AZIN2: variants seen among roughly 807,000 people sequenced by gnomAD.
AZIN2 encodes antizyme inhibitor 2, also known as ODC antizyme inhibitor-2.
AZIN2 carries 28 observed loss-of-function variants against 47.8 expected under a neutral mutation model. The observed-to-expected ratio is 0.59, with a 90% confidence interval of 0.43 to 0.80. The LOEUF is 0.80. AZIN2 is among the 30% of genes least tolerant of loss of function. The pLI is 0.00. For synonymous variants in AZIN2, 221 were observed against 239.4 expected (o/e 0.92, Z 0.71); for missense variants, 535 against 582.5 (o/e 0.92, Z 0.84).
At chr1:33,111,665 T>TG (rs1389711571) in intron 10 of AZIN2, among the ~76,000 whole-genome samples, 1 of 151,682 alleles carries the variant, frequency 6.6e-6, no homozygotes, top group Non-Finnish European at 1.5e-5. Context: ...TGGAGTGCAG[T>TG]GGCTCGGCTC....
At chr1:33,089,365 AGGCAGGAGGACTGCT>A (rs1423675235) in intron 5 of AZIN2, among the ~76,000 whole-genome samples, 1 of 152,308 alleles carries the variant, frequency 6.6e-6, no homozygotes, top group Non-Finnish European at 1.5e-5. Context: ...TGGGAGGCCA[AGGCAGGAGGACTGCT>A]TGAGCCCAGG....
At chr1:33,165,692 G>A in the AZIN2 span, 520 of 722,334 alleles carry the variant, frequency 7.2e-4, 3 homozygotes, top group South Asian at 1.2e-3. The surrounding 1 kb of genome is among the most constrained non-coding windows in gnomAD (Gnocchi z 4.0). Flanking sequence ...CTTGCCTCCC[G>A]TCACAGTTCA....
chr1:33,148,302 A>G, the AZIN2 span, among the ~76,000 whole-genome samples: 2 of 152,342 alleles, frequency 1.3e-5, no homozygotes, highest in African/African-American at 4.8e-5. Flanking sequence ...AAGGATAAGA[A>G]ACTATAACCT....
chr1:33,093,326 G>T lies in AZIN2; in HGVS notation c.497G>T (p.Cys166Phe). The part of the protein sequence containing the change: ...IATDDSHSLS[C>F]LSLKFGVSLK... The stretch of plus-strand genomic sequence containing the variant: ...ACCGATGACTCCCACTCCCTGAGCT[G>T]CCTGAGCCTAAAGTTTGGAGTGTCA... The change falls in exon 7 of 12, where the codon TGC becomes TTC. Residue 166 changes from cysteine to phenylalanine, a missense_variant. This residue lies in a region of AZIN2 where 409 missense variants were observed against 429.0 expected (regional missense o/e 0.95). Coordinates refer to ENST00000294517, the MANE Select transcript of AZIN2 (RefSeq NM_052998.4). 6.2e-7 allele frequency: 1 copy of T among 1,614,094 alleles called. No homozygotes were observed. Among genetic ancestry groups the T allele is most frequent in the Non-Finnish European group, 8.5e-7 (1 of 1,179,980 alleles).
intron 10 of AZIN2, among the ~76,000 whole-genome samples, chr1:33,117,215 CT>C (rs1430913012): frequency 6.6e-6 from 1 of 152,146 alleles, no homozygotes; most frequent in Non-Finnish European, 1.5e-5. Context: ...CCAGGTCCCC[CT>C]GTGATTGTTG....
the AZIN2 span, among the ~76,000 whole-genome samples, chr1:33,144,434 G>A: frequency 4.6e-5 from 7 of 152,276 alleles, no homozygotes; most frequent in South Asian, 8.3e-4. Context: ...CACTGCGCCC[G>A]GTGGCTTTAA....
intron 8 of AZIN2, among the ~76,000 whole-genome samples, chr1:33,095,215 C>T (rs1421719936): frequency 6.6e-6 from 1 of 152,206 alleles, no homozygotes; most frequent in Non-Finnish European, 1.5e-5. Context: ...TGGAAGGCGC[C>T]TCCTTCGGGA....
In AZIN2 at chr1:33,118,013, T is replaced by C. The variant is rs1644637299; in HGVS notation, c.1141T>C (p.Trp381Arg). Reference sequence around the variant, plus strand: ...GCTGCCGCAACTACACGTAGGGGACTGGCTGGTCTTTGACAACATGGGCGC... The same window carrying C: ...GCTGCCGCAACTACACGTAGGGGACCGGCTGGTCTTTGACAACATGGGCGC... The part of the protein sequence containing the change: ...LWLPQLHVGD[W>R]LVFDNMGAYT... Residue 381 changes from tryptophan (W) to arginine (R), a missense_variant, in exon 11 of 12, where the codon TGG becomes CGG. Around this residue, in one of 3 missense-constraint regions of AZIN2, gnomAD observed 122 missense variants for 135.8 expected, o/e 0.90. Coordinates refer to ENST00000294517, the MANE Select transcript of AZIN2 (RefSeq NM_052998.4). 1 of 1,593,906 alleles carries C rather than the reference T, an allele frequency of 6.3e-7. No homozygotes were observed.
At chr1:33,155,843 C>T in the AZIN2 span, among the ~76,000 whole-genome samples, 2 of 152,220 alleles carry the variant, frequency 1.3e-5, no homozygotes, top group East Asian at 1.9e-4. Context: ...TGGGAAGGCA[C>T]TGATTTCCCA....
At chr1:33,106,534 T>C (rs932036295) in intron 10 of AZIN2, among the ~76,000 whole-genome samples, 22 of 152,070 alleles carry the variant, frequency 1.4e-4, no homozygotes, top group African/African-American at 4.8e-4. Flanking sequence ...CCAAATTAAA[T>C]AGCACATTAA....
chr1:33,110,629 C>T (rs1301127188), intron 10 of AZIN2, among the ~76,000 whole-genome samples: 3 of 151,696 alleles, frequency 2.0e-5, no homozygotes, highest in Non-Finnish European at 4.4e-5. Flanking sequence ...TTAGAGACAA[C>T]AGAAGAGAGA....
the AZIN2 span, among the ~76,000 whole-genome samples, chr1:33,144,373 G>A: frequency 6.6e-6 from 1 of 152,156 alleles, no homozygotes; most frequent in Non-Finnish European, 1.5e-5. Flanking sequence ...CCCAACCTCA[G>A]GTGATCCGCC....
chr1:33,103,292 C>A (rs1333304770), intron 10 of AZIN2, among the ~76,000 whole-genome samples: 2 of 152,170 alleles, frequency 1.3e-5, no homozygotes, highest in Non-Finnish European at 2.9e-5. Context: ...TTCCCAGGCA[C>A]CTCTGCCCTC....
chr1:33,099,223 C>T (rs1404461372), intron 10 of AZIN2, among the ~76,000 whole-genome samples: 1 of 152,122 alleles, frequency 6.6e-6, no homozygotes. Context: ...AAATCAACTC[C>T]ACTTTGTGGC....
At chr1:33,108,606 G>A (rs2124622809) in intron 10 of AZIN2, among the ~76,000 whole-genome samples, 1 of 152,310 alleles carries the variant, frequency 6.6e-6, no homozygotes, top group East Asian at 1.9e-4. Context: ...GCCTCCCAGA[G>A]TGCTGGGATT....
chr1:33,094,073 T>C (rs1002213642), intron 7 of AZIN2, among the ~76,000 whole-genome samples: 3 of 152,180 alleles, frequency 2.0e-5, no homozygotes, highest in African/African-American at 7.2e-5. Context: ...GGAGTAATAA[T>C]GAACTACCTA....
At chr1:33,105,060 T>G (rs1471859974) in intron 10 of AZIN2, among the ~76,000 whole-genome samples, 1 of 152,220 alleles carries the variant, frequency 6.6e-6, no homozygotes, top group African/African-American at 2.4e-5. Flanking sequence ...ATGTCATGAT[T>G]TAACCAGTTT....
At chr1:33,103,587 A>G (rs1043003442) in intron 10 of AZIN2, among the ~76,000 whole-genome samples, 2 of 152,038 alleles carry the variant, frequency 1.3e-5, no homozygotes, top group African/African-American at 4.8e-5. Flanking sequence ...AACCCATCGT[A>G]ATCTGTTAAT....
the AZIN2 span, chr1:33,146,117 G>C: frequency 3.0e-5 from 8 of 266,014 alleles, no homozygotes; most frequent in African/African-American, 1.6e-4. Context: ...TGAATCTGGC[G>C]CTGGGAGTTC....
Sources: gnomAD v4.1 joint callset for allele counts (sites outside exome capture counted in the v4.1 genomes callset) on GRCh38, gnomAD v4.1.1 for gene constraint, gnomAD v4.1.1 regional missense constraint, Gnocchi (gnomAD v3.1) non-coding constraint, MANE v1.5 for transcripts, NCBI Gene and HGNC (gene_info 2026-07-23, HGNC 2026-07-21) for gene names.